The following TEX11 variants were observed in gnomAD, a reference collection of about 807,000 sequenced individuals.
The protein encoded by TEX11 is testis-expressed protein 11.
Under a neutral mutation model 84.4 loss-of-function variants are expected in TEX11, and 7 were observed. That is an observed-to-expected ratio of 0.08 (90% CI 0.05 to 0.16). TEX11 has a LOEUF of 0.16. Ranked by LOEUF, TEX11 falls within the 10% of genes least tolerant of loss-of-function variation. The pLI is 1.00. For missense variants in TEX11, 551 were observed against 660.5 expected (o/e 0.83, Z 1.82); for synonymous variants, 264 against 222.8 (o/e 1.18, Z -1.64).
chrX:70,619,007 T>C (rs1302768404), intron 20 of TEX11, among the ~76,000 whole-genome samples: 1 of 111,437 alleles, frequency 9.0e-6, no homozygotes, highest in Non-Finnish European at 1.9e-5. Flanking sequence ...CTCCTCTGTT[T>C]TTCTGCTGAG....
chrX:70,644,124 C>T (rs1236308348), intron 17 of TEX11, among the ~76,000 whole-genome samples: 1 of 102,454 alleles, frequency 9.8e-6, no homozygotes, highest in Admixed American at 1.1e-4. Context: ...CATGAATAGA[C>T]ACTTCTCAAA....
chrX:70,874,395 C>CTTTTTTTT (rs34210812), intron 3 of TEX11, among the ~76,000 whole-genome samples: 2 of 48,077 alleles, frequency 4.2e-5, no homozygotes, highest in Admixed American at 3.5e-4. Flanking sequence ...TGATGACTTC[C>CTTTTTTTT]TTTTTTTTTT....
intron 28 of TEX11, among the ~76,000 whole-genome samples, chrX:70,535,166 C>A (rs1308782598): frequency 6.2e-5 from 7 of 112,513 alleles, no homozygotes; most frequent in Non-Finnish European, 1.3e-4. Flanking sequence ...TTTCAATGGA[C>A]AAATAGTATT....
chrX:70,604,476 C>T (rs2089172591), intron 24 of TEX11, among the ~76,000 whole-genome samples: 1 of 110,939 alleles, frequency 9.0e-6, no homozygotes, highest in East Asian at 2.8e-4. Flanking sequence ...CTCTGTATCC[C>T]CAGTACCTAG....
intron 7 of TEX11, among the ~76,000 whole-genome samples, chrX:70,842,147 C>T (rs1192263613): frequency 1.8e-5 from 2 of 110,973 alleles, no homozygotes; most frequent in African/African-American, 6.5e-5. Context: ...CAGCATCATC[C>T]TGATACCAAA....
At chrX:70,751,196 C>G (rs189070026) in intron 9 of TEX11, among the ~76,000 whole-genome samples, 1 of 105,564 alleles carries the variant, frequency 9.5e-6, no homozygotes, top group Non-Finnish European at 1.9e-5. Context: ...ATGTTTATTG[C>G]GGCACTATTC....
At chrX:70,840,704 G>A (rs2091437622) in intron 7 of TEX11, among the ~76,000 whole-genome samples, 1 of 111,356 alleles carries the variant, frequency 9.0e-6, no homozygotes, top group Non-Finnish European at 1.9e-5. Flanking sequence ...AAAGAGTCAA[G>A]ACCCATCAGT....
chrX:70,871,153 T>G (rs2091627765), intron 4 of TEX11, among the ~76,000 whole-genome samples: 1 of 112,677 alleles, frequency 8.9e-6, no homozygotes. Context: ...TCTCAGGTGA[T>G]CCACTCACCT....
At chrX:70,847,010 C>T (rs2091483086) in intron 7 of TEX11, among the ~76,000 whole-genome samples, 1 of 111,707 alleles carries the variant, frequency 9.0e-6, no homozygotes, top group Non-Finnish European at 1.9e-5. Flanking sequence ...GGAGTCAGAT[C>T]TCTCATGAAT....
chrX:70,580,887 A>T (rs1431894685), intron 25 of TEX11, among the ~76,000 whole-genome samples: 1 of 112,645 alleles, frequency 8.9e-6, no homozygotes, highest in Non-Finnish European at 1.9e-5. Context: ...TAACTTAAAC[A>T]CTGGTTTGAT....
At chrX:70,514,367 C>A in the TEX11 span, among the ~76,000 whole-genome samples, 2 of 110,437 alleles carry the variant, frequency 1.8e-5, no homozygotes, top group African/African-American at 6.6e-5. Context: ...GAGGCTGAGG[C>A]GGGTGGATCA....
Position 70,844,077 on chromosome X carries a change from G to A in TEX11, c.525+8957C>T, listed in dbSNP as rs1405763577. On this transcript the variant is annotated intron_variant, in intron 7 of 29. Coordinates refer to ENST00000374333, the MANE Select transcript of TEX11 (RefSeq NM_031276.3). ...GCGATTCCTCAGGGATCTAGAACTA[G>A]AAATACCATTTGACCCAGCCATCCC... Among the ~76,000 whole-genome samples the A allele has an allele frequency of 2.7e-5, 3 of 110,255 alleles. 1 individual carries two copies. The Admixed American group carries it at 2.9e-4, about 11-fold the overall frequency.
chrX:70,778,780 A>G (rs2091018153), intron 9 of TEX11, among the ~76,000 whole-genome samples: 1 of 111,719 alleles, frequency 9.0e-6, no homozygotes, highest in African/African-American at 3.3e-5. Context: ...AACTAAAATC[A>G]TATCAAGTAT....
intron 28 of TEX11, among the ~76,000 whole-genome samples, chrX:70,545,932 A>G (rs1231136274): frequency 1.8e-5 from 2 of 112,273 alleles, no homozygotes; most frequent in African/African-American, 6.5e-5. Context: ...AAGAGCAGTC[A>G]GGATCCTCAG....
intron 28 of TEX11, among the ~76,000 whole-genome samples, chrX:70,543,130 C>T (rs1032364343): frequency 4.5e-5 from 5 of 110,365 alleles, no homozygotes; most frequent in Non-Finnish European, 7.6e-5. Context: ...TGCAGTGAGC[C>T]GAGATCGCGC....
In TEX11 at chrX:70,729,596, AG is replaced by A. The variant is rs762345385; in HGVS notation, c.844-4254del. ...CAAATGAATGAAATGAAGCGAGAAG[AG>A]AAGTTTAGAGAAAAAAGAATAAAAA... On this transcript the variant is annotated intron_variant, in intron 11 of 29. Transcript: ENST00000374333. Among the ~76,000 whole-genome samples, 285 of 111,546 alleles carry A rather than the reference AG, an allele frequency of 2.6e-3. 1 individual carries two copies. Among genetic ancestry groups the A allele is most frequent in the African/African-American group, 8.6e-3 (265 of 30,737 alleles).
At chrX:70,566,572 C>A (rs989995830) in intron 25 of TEX11, among the ~76,000 whole-genome samples, 1 of 111,196 alleles carries the variant, frequency 9.0e-6, no homozygotes, top group Non-Finnish European at 1.9e-5. Context: ...TTTTGAAATA[C>A]ATCCCATCAA....
At chrX:70,519,806 G>T in the TEX11 span, among the ~76,000 whole-genome samples, 3 of 111,745 alleles carry the variant, frequency 2.7e-5, no homozygotes, top group Non-Finnish European at 5.6e-5. Context: ...TGGAGGATTT[G>T]TCTGTTTCTT....
Position 70,705,450 on chromosome X carries a change from G to T in TEX11, c.1004+17168C>A, listed in dbSNP as rs781230681. ...AAAGCAATGGCAACAAAAGCCAAAA[G>T]TGACAAATGGGATCTAATTAAACTA... On this transcript the variant is annotated intron_variant, in intron 13 of 29. Coordinates refer to ENST00000374333, the MANE Select transcript of TEX11 (RefSeq NM_031276.3). Among the ~76,000 whole-genome samples, 7 of 111,492 alleles carry T rather than the reference G, an allele frequency of 6.3e-5. No homozygotes were observed. The Admixed American group carries it at 6.7e-4, about 11-fold the overall frequency.
Sources: allele counts gnomAD v4.1 joint callset (sites outside exome capture counted in the v4.1 genomes callset), GRCh38; gene constraint gnomAD v4.1.1; transcripts MANE v1.5; gene names NCBI Gene and HGNC (gene_info 2026-07-23, HGNC 2026-07-21).